Variants in TYW1B observed in about 807,000 individuals in gnomAD.
TYW1B encodes S-adenosyl-L-methionine-dependent tRNA 4-demethylwyosine synthase TYW1B.
Under a neutral mutation model 86.9 loss-of-function variants are expected in TYW1B, and 73 were observed. The observed-to-expected ratio is 0.84, with a 90% CI of 0.70 to 1.02. The LOEUF is 1.02. Among genes scored for constraint, TYW1B ranks in the 50% least tolerant of loss-of-function variants. TYW1B has a pLI of 0.00. For synonymous variants in TYW1B, 248 were observed against 292.8 expected (o/e 0.85, Z 1.56); for missense variants, 637 against 827.4 (o/e 0.77, Z 2.82).
chr7:72,602,295 T>C (rs1554433910), intron 13 of TYW1B, among the ~76,000 whole-genome samples: 1 of 152,030 alleles, frequency 6.6e-6, no homozygotes, highest in South Asian at 2.1e-4. Context: ...GTGAAGTAAA[T>C]GGATGGCTGA....
intron 7 of TYW1B, among the ~76,000 whole-genome samples, chr7:72,747,362 G>A (rs1244010832): frequency 6.6e-6 from 1 of 152,128 alleles, no homozygotes; most frequent in Non-Finnish European, 1.5e-5. Flanking sequence ...GGCCTCCCCA[G>A]CCATGTGAAA....
intron 4 of TYW1B, 84 bp from the exon 5 acceptor site, chr7:72,807,440 T>C: frequency 2.0e-6 from 3 of 1,522,950 alleles, no homozygotes; most frequent in Non-Finnish European, 1.8e-6. Context: ...CCAAAGTCCT[T>C]CTGGGGCCCC....
intron 11 of TYW1B, among the ~76,000 whole-genome samples, chr7:72,690,941 C>T (rs373811308): frequency 1.3e-5 from 2 of 152,064 alleles, no homozygotes; most frequent in African/African-American, 2.4e-5. Context: ...GTAGTAGAGA[C>T]GGGGTTTCAC....
chr7:72,643,014 T>A (rs1281359936), intron 11 of TYW1B, among the ~76,000 whole-genome samples: 1 of 152,218 alleles, frequency 6.6e-6, no homozygotes, highest in African/African-American at 2.4e-5. Context: ...ATAATCCACA[T>A]GATCACACTG....
At chr7:72,646,530 C>T (rs1164887482) in intron 11 of TYW1B, among the ~76,000 whole-genome samples, 3 of 152,016 alleles carry the variant, frequency 2.0e-5, no homozygotes, top group African/African-American at 7.3e-5. Flanking sequence ...TGCCACCGCA[C>T]CTGGCTAATT....
Position 72,825,715 on chromosome 7 carries a change from T to A in TYW1B, c.135+1140A>T, listed in dbSNP as rs370764213. On this transcript the variant is annotated intron_variant, in intron 2 of 13. Coordinates refer to ENST00000620995, the MANE Select transcript of TYW1B (RefSeq NM_001145440.3). ...AAAAAATAAACATAGATGTGTGATG[T>A]GAAAGTCAGGCCCATATTGGAACTA... 7.9e-5 allele frequency among the ~76,000 whole-genome samples: 12 copies of A among 152,160 alleles called. No individual in the cohort carries two copies. In the East Asian group the frequency reaches 2.3e-3, roughly 29 times the overall value.
intron 12 of TYW1B, among the ~76,000 whole-genome samples, chr7:72,625,958 A>AT (rs1812339542): frequency 6.6e-6 from 1 of 151,332 alleles, no homozygotes; most frequent in African/African-American, 2.4e-5. Context: ...CTGCTTTATT[A>AT]TAATAGAGGT....
intron 11 of TYW1B, among the ~76,000 whole-genome samples, chr7:72,693,367 G>C (rs1554450743): frequency 1.3e-5 from 2 of 150,264 alleles, no homozygotes; most frequent in African/African-American, 2.4e-5. Flanking sequence ...AGAAATTCAG[G>C]AAAATTAACT....
chr7:72,706,758 T>C (rs1481950166), intron 10 of TYW1B, among the ~76,000 whole-genome samples: 2 of 152,002 alleles, frequency 1.3e-5, no homozygotes, highest in Non-Finnish European at 2.9e-5. Flanking sequence ...CTGGAAAAAA[T>C]AACTACTCCT....
chr7:72,635,159 G>T (rs1397055744), intron 11 of TYW1B, among the ~76,000 whole-genome samples: 3 of 151,990 alleles, frequency 2.0e-5, no homozygotes, highest in Non-Finnish European at 1.5e-5. Flanking sequence ...TGACTTTTGC[G>T]TGTGGTGTTG....
In TYW1B at chr7:72,694,841, TA is replaced by T; in HGVS notation, c.1371-20del. The T allele has an allele frequency of 3.2e-6, 5 of 1,577,790 alleles. No individual in the cohort carries two copies. The highest frequency in any genetic ancestry group is 1.2e-5 in the South Asian group (1 of 83,800). ...GAGGTTCCTTAGTAATTTTTTTTTT[TA>T]AAGGAAGAAAGAAAAATTATTCCTC... On this transcript the variant is annotated intron_variant, in intron 10 of 13. Coordinates refer to ENST00000620995, the MANE Select transcript of TYW1B (RefSeq NM_001145440.3).
chr7:72,705,353 T>C (rs1335578216), intron 10 of TYW1B, among the ~76,000 whole-genome samples: 2 of 152,056 alleles, frequency 1.3e-5, no homozygotes, highest in Admixed American at 6.6e-5. Context: ...AAAACAGAAA[T>C]ACAGAAGCAG....
At chr7:72,683,486 C>T (rs1813929244) in intron 11 of TYW1B, among the ~76,000 whole-genome samples, 4 of 152,148 alleles carry the variant, frequency 2.6e-5, no homozygotes, top group South Asian at 4.1e-4. Context: ...AGGAGAATTG[C>T]TTGAACCTGG....
At chr7:72,753,314 T>C (rs1319260444) in intron 7 of TYW1B, among the ~76,000 whole-genome samples, 2 of 152,072 alleles carry the variant, frequency 1.3e-5, no homozygotes, top group African/African-American at 2.4e-5. Context: ...CTAGATGTTA[T>C]AATAATTCCA....
At chr7:72,776,056 A>C (rs1446744778) in intron 7 of TYW1B, among the ~76,000 whole-genome samples, 1 of 152,144 alleles carries the variant, frequency 6.6e-6, no homozygotes, top group African/African-American at 2.4e-5. Flanking sequence ...CTGAGGCAGG[A>C]GGATTCCTTG....
At chr7:72,680,563 A>G in intron 11 of TYW1B, among the ~76,000 whole-genome samples, 1 of 152,116 alleles carries the variant, frequency 6.6e-6, no homozygotes, top group Non-Finnish European at 1.5e-5. Context: ...GGGACTTGGA[A>G]CGGCTTCCTG....
Position 72,606,357 on chromosome 7 carries a change from C to T in TYW1B, c.1785+10315G>A, listed in dbSNP as rs182331168. Among the ~76,000 whole-genome samples, 319 of 152,066 alleles carry T rather than the reference C, an allele frequency of 2.1e-3. 2 individuals carry two copies. Among genetic ancestry groups the T allele is most frequent in the African/African-American group, 2.6e-3 (108 of 41,474 alleles). ...GCAAACACTGAGTGGGGAACCTAGACTCCCACCTTCACCTGGTTATAACGA... is the reference window on the plus strand; with the variant it reads ...GCAAACACTGAGTGGGGAACCTAGATTCCCACCTTCACCTGGTTATAACGA... On this transcript the variant is annotated intron_variant, in intron 13 of 13. Transcript: ENST00000620995.
chr7:72,600,876 G>A (rs1352072078), intron 13 of TYW1B, among the ~76,000 whole-genome samples: 1 of 151,964 alleles, frequency 6.6e-6, no homozygotes, highest in Non-Finnish European at 1.5e-5. Context: ...AAAAAAAAGG[G>A]CCGGGCGTGG....
intron 11 of TYW1B, among the ~76,000 whole-genome samples, chr7:72,685,141 TTTG>T (rs1275188785): frequency 2.0e-5 from 3 of 151,718 alleles, no homozygotes; most frequent in Non-Finnish European, 4.4e-5. Flanking sequence ...AAAAGATTAT[TTTG>T]TTATCATAAA....
Sources: gnomAD v4.1 joint callset for allele counts (sites outside exome capture counted in the v4.1 genomes callset) on GRCh38, gnomAD v4.1.1 for gene constraint, MANE v1.5 for transcripts, NCBI Gene and HGNC (gene_info 2026-07-23, HGNC 2026-07-21) for gene names.